The following CHD9 variants were observed in gnomAD, a reference collection of about 807,000 sequenced individuals.
CHD9 encodes chromodomain helicase DNA binding protein 9, also known as ATP-dependent chromatin remodeler CHD9.
CHD9 carries 77 observed loss-of-function variants against 316.1 expected under a neutral mutation model. The ratio of observed to expected loss-of-function variants is 0.24; its 90% confidence interval spans 0.20 to 0.29. The LOEUF (loss-of-function observed/expected upper bound fraction) is 0.29. Ranked by LOEUF, CHD9 falls within the 10% of genes least tolerant of loss-of-function variation. The probability of loss-of-function intolerance (pLI) is 1.00; values close to 1 mark genes in which losing one functional copy is unlikely to be tolerated. For synonymous variants in CHD9, 1,129 were observed against 1,158.3 expected (o/e 0.97, Z 0.51); for missense variants, 2,763 against 3,438.1 (o/e 0.80, Z 4.91).
In CHD9 at chr16:53,245,211, TA is replaced by T. The variant is rs138968213; in HGVS notation, c.3055-123del. ...ATATATATATACACACACACACACA[TA>T]ACATATATATATGTATATATAGTCA... On this transcript the variant is annotated intron_variant, in intron 13 of 38. Coordinates refer to ENST00000447540, the MANE Select transcript of CHD9 (RefSeq NM_001308319.2). The surrounding 1 kb of genome is among the most constrained non-coding windows in gnomAD (Gnocchi z 4.1). The T allele has an allele frequency of 0.28, 175,105 of 625,622 alleles. 25,937 individuals are homozygous for T. Among genetic ancestry groups the T allele is most frequent in the Middle Eastern group, 0.33 (729 of 2,226 alleles). The allele number at this position is 625,622 out of a possible 1,614,324, so 38.8% of individuals were successfully genotyped here.
intron 12 of CHD9, among the ~76,000 whole-genome samples, chr16:53,239,414 A>C (rs1374534015): frequency 6.6e-6 from 1 of 152,116 alleles, no homozygotes. Flanking sequence ...GCAAGACCCC[A>C]TCTCTACGAA....
chr16:53,055,105 C>G (rs1490389802), intron 1 of CHD9, 28 bp downstream of exon 1: 1 of 152,410 alleles, frequency 6.6e-6, no homozygotes, highest in Non-Finnish European at 1.5e-5. Flanking sequence ...CGGGCGTCTC[C>G]CTGGAGCCTC....
intron 1 of CHD9, among the ~76,000 whole-genome samples, chr16:53,146,415 G>GTGTATATATATATATATA (rs1224485632): frequency 4.7e-5 from 3 of 64,448 alleles, no homozygotes; most frequent in African/African-American, 6.8e-5. Flanking sequence ...GTGTGTGTGT[G>GTGTATATATATATATATA]TATGTATATA....
intron 2 of CHD9, among the ~76,000 whole-genome samples, chr16:53,175,298 A>G (rs938441667): frequency 6.6e-6 from 1 of 152,160 alleles, no homozygotes; most frequent in African/African-American, 2.4e-5. Context: ...TTCAAGTTCT[A>G]TCTCCAACTC....
intron 27 of CHD9, among the ~76,000 whole-genome samples, chr16:53,290,703 G>A (rs1269919362): frequency 1.3e-5 from 2 of 152,028 alleles, no homozygotes; most frequent in South Asian, 2.1e-4. Flanking sequence ...GCTTGAGCCC[G>A]AAAGGTTGAG....
chr16:53,192,654 C>G (rs1319987597), intron 2 of CHD9, among the ~76,000 whole-genome samples: 1 of 152,194 alleles, frequency 6.6e-6, no homozygotes, highest in African/African-American at 2.4e-5. Context: ...AGTCTTTCCC[C>G]TAACCCTAGA....
intron 1 of CHD9, among the ~76,000 whole-genome samples, chr16:53,078,524 G>C (rs1319814045): frequency 6.6e-6 from 1 of 152,158 alleles, no homozygotes; most frequent in African/African-American, 2.4e-5. Context: ...TCTGTTCATT[G>C]TAAATTACTA....
intron 18 of CHD9, among the ~76,000 whole-genome samples, chr16:53,255,024 G>T (rs1352265389): frequency 1.3e-5 from 2 of 151,934 alleles, no homozygotes; most frequent in African/African-American, 2.4e-5. Flanking sequence ...TAGGATCCTA[G>T]TACTGGGCTG....
At chr16:53,247,624 T>C in intron 16 of CHD9, 121 bp downstream of exon 16, 2 of 703,212 alleles carry the variant, frequency 2.8e-6, no homozygotes, top group South Asian at 3.9e-5. Flanking sequence ...AATAATGCAT[T>C]CAAATTTATA....
Position 53,303,934 on chromosome 16 carries a change from A to G in CHD9, c.5928A>G (p.Lys1976=). 1 of 1,613,902 alleles carries G rather than the reference A, an allele frequency of 6.2e-7. No homozygotes were observed. Among genetic ancestry groups the G allele is most frequent in the African/African-American group, 1.3e-5 (1 of 74,924 alleles). Reference sequence around the variant, plus strand: ...GGGATTTGCTTATTGGTGCTGCCAAACACGGGGTGAGCCGAACAGACTATC... The same window carrying G: ...GGGATTTGCTTATTGGTGCTGCCAAGCACGGGGTGAGCCGAACAGACTATC... The part of the protein sequence containing the change: ...HDRDLLIGAA[K]HGVSRTDYHI... Residue 1976 remains lysine (K), a synonymous_variant, in exon 31 of 39, where the codon AAA becomes AAG. Transcript: ENST00000447540.
At chr16:53,079,665 C>T (rs1193765851) in intron 1 of CHD9, among the ~76,000 whole-genome samples, 1 of 152,172 alleles carries the variant, frequency 6.6e-6, no homozygotes, top group Non-Finnish European at 1.5e-5. Flanking sequence ...CACACTGGAA[C>T]TTTCAGTACC....
At chr16:53,151,311 G>A (rs2041099113) in intron 1 of CHD9, among the ~76,000 whole-genome samples, 1 of 148,186 alleles carries the variant, frequency 6.7e-6, no homozygotes, top group African/African-American at 2.5e-5. Context: ...GAGTACAGTG[G>A]CATGATATCA....
Position 53,325,072 on chromosome 16 carries a change from T to G in CHD9, c.*177T>G. 1.8e-6 allele frequency: 1 copy of G among 547,344 alleles called. No homozygotes were observed. Among genetic ancestry groups the G allele is most frequent in the Non-Finnish European group, 3.2e-6 (1 of 314,086 alleles). 33.9% of individuals were successfully genotyped at this position (547,344 alleles called of 1,614,324 possible). A position where few individuals can be genotyped will look rare whatever the true frequency, so the allele number is the denominator to read the frequency against. ...TGCATGTAATATTTCTTAAGATTCA[T>G]AAGTTTCTGAACTCGTATGTACTAT... is the stretch of plus-strand genomic sequence containing the variant. On this transcript the variant is annotated 3_prime_UTR_variant, in exon 39 of 39. Transcript: ENST00000447540.
intron 37 of CHD9, chr16:53,319,797 A>G: frequency 8.0e-7 from 1 of 1,249,682 alleles, no homozygotes; most frequent in Non-Finnish European, 1.0e-6. Context: ...AATTGTCTTG[A>G]GTCTCTCGGG....
chr16:53,269,407 C>A (rs530007412), intron 22 of CHD9, among the ~76,000 whole-genome samples: 20 of 152,170 alleles, frequency 1.3e-4, no homozygotes, highest in African/African-American at 4.6e-4. Flanking sequence ...AGACAAGATC[C>A]CTGAGCTCAT....
intron 1 of CHD9, among the ~76,000 whole-genome samples, chr16:53,093,636 A>C (rs1055386482): frequency 6.6e-6 from 1 of 152,120 alleles, no homozygotes; most frequent in East Asian, 1.9e-4. Flanking sequence ...TTTCTTCCCC[A>C]TTGTGTCATG....
chr16:53,133,237 A>G (rs1258256889), intron 1 of CHD9, among the ~76,000 whole-genome samples: 1 of 152,192 alleles, frequency 6.6e-6, no homozygotes, highest in Non-Finnish European at 1.5e-5. Flanking sequence ...CCTTGTGATT[A>G]ATTGACCAGG....
intron 2 of CHD9, among the ~76,000 whole-genome samples, chr16:53,180,703 C>T (rs554313864): frequency 1.1e-3 from 169 of 151,814 alleles, no homozygotes; most frequent in African/African-American, 3.9e-3. Flanking sequence ...GATACAGTCT[C>T]GCTCTGTCGC....
chr16:53,156,466 G>T lies in CHD9; in HGVS notation c.377G>T (p.Gly126Val). ...GTATCAGATGGCAGTCCAATGTGGG[G>T]CCATCAGACAGCTACTACCATTTCA... is the stretch of plus-strand genomic sequence containing the variant. ...PDVSDGSPMW[G>V]HQTATTISNQ... Residue 126 changes from glycine (G) to valine (V), a missense_variant, in exon 2 of 39, where the codon GGC (glycine) becomes GTC (valine). By Grantham distance (109) the Gly-to-Val change is moderately radical. Around this residue, in one of 15 missense-constraint regions of CHD9, gnomAD observed 859 missense variants for 890.4 expected, o/e 0.96. Coordinates refer to ENST00000447540, the MANE Select transcript of CHD9 (RefSeq NM_001308319.2). 2 of 1,613,908 alleles carry T rather than the reference G, an allele frequency of 1.2e-6. No homozygotes were observed. The highest frequency in any genetic ancestry group is 1.7e-6 in the Non-Finnish European group (2 of 1,179,870).
Sources: allele counts gnomAD v4.1 joint callset (sites outside exome capture counted in the v4.1 genomes callset), GRCh38; gene constraint gnomAD v4.1.1; regional missense constraint gnomAD v4.1.1; non-coding constraint Gnocchi (gnomAD v3.1); transcripts MANE v1.5; gene names NCBI Gene and HGNC (gene_info 2026-07-23, HGNC 2026-07-21).